DGCR8: variants seen among roughly 807,000 people sequenced by gnomAD.
DGCR8 encodes the protein DGCR8 microprocessor complex subunit.
A neutral mutation model predicts 78.5 loss-of-function variants in DGCR8; 14 were observed. The ratio of observed to expected loss-of-function variants is 0.18; its 90% CI spans 0.12 to 0.28. The LOEUF (loss-of-function observed/expected upper bound fraction) is 0.28. DGCR8 is among the 10% of genes least tolerant of loss of function. DGCR8 has a pLI of 1.00. For missense variants in DGCR8, 702 were observed against 1,022.5 expected (o/e 0.69, Z 4.28); for synonymous variants, 399 against 402.4 (o/e 0.99, Z 0.10).
intron 8 of DGCR8, among the ~76,000 whole-genome samples, chr22:20,094,131 C>T (rs1014270572): frequency 3.9e-5 from 6 of 152,206 alleles, no homozygotes; most frequent in African/African-American, 1.4e-4. Context: ...ACTTCCCTTG[C>T]CCAGACTCTT....
chr22:20,101,091 A>G (rs2049695159), intron 9 of DGCR8: 1 of 660,720 alleles, frequency 1.5e-6, no homozygotes, highest in Non-Finnish European at 1.9e-6. Flanking sequence ...CCTCCTCAGC[A>G]TAAGCTCTGT....
chr22:20,101,854 CCTT>C, intron 9 of DGCR8: 1 of 985,360 alleles, frequency 1.0e-6, no homozygotes, highest in Non-Finnish European at 1.2e-6. Context: ...AGTATCCCCT[CCTT>C]GTGTGGACTC....
chr22:20,080,544 G>T, intron 1 of DGCR8, 161 bp downstream of exon 1: 12 of 954,428 alleles, frequency 1.3e-5, no homozygotes, highest in Non-Finnish European at 1.5e-5. Context: ...GCGGGCGGTG[G>T]AGAGCGCGGG....
chr22:20,095,710 C>T (rs1228843654), intron 9 of DGCR8, among the ~76,000 whole-genome samples: 5 of 152,142 alleles, frequency 3.3e-5, no homozygotes, highest in Non-Finnish European at 7.4e-5. Flanking sequence ...TCAAGCACAT[C>T]ACATTTATTG....
Position 20,087,277 on chromosome 22 carries a change from C to T in DGCR8, c.836C>T (p.Thr279Ile), listed in dbSNP as rs778004641. The T allele has an allele frequency of 9.3e-6, 15 of 1,613,740 alleles. No individual in the cohort carries two copies. The South Asian group carries it at 1.5e-4, about 17-fold the overall frequency. Residue 279 changes from threonine (T) to isoleucine (I), a missense_variant, in exon 3 of 14, where the codon ACA becomes ATA. This residue lies in a region of DGCR8 where 356 missense variants were observed against 448.9 expected (regional missense o/e 0.79). Transcript: ENST00000351989. The surrounding 1 kb of genome is among the most constrained non-coding windows in gnomAD (Gnocchi z 4.1). ...GDSDHPSDGE[T>I]SVQPMMTKIK... ...AGCGACCATCCGTCCGATGGAGAGA[C>T]AAGTGTGCAGCCGATGATGACCAAG...
chr22:20,100,968 G>A lies in DGCR8; in HGVS notation c.1789-5209G>A, dbSNP rs182645327. 1.8e-5 allele frequency: 9 copies of A among 507,242 alleles called. No individual in the cohort carries two copies. In the East Asian group the frequency reaches 1.1e-3, roughly 60 times the overall value. 31.4% of individuals were successfully genotyped at this position (507,242 alleles called of 1,614,324 possible). On this transcript the variant is annotated intron_variant, in intron 9 of 13. Coordinates refer to ENST00000351989, the MANE Select transcript of DGCR8 (RefSeq NM_022720.7). Reference sequence around the variant, plus strand: ...CCTCCTCGTGCTTGGAAATTTGCTAGGACTCAGGAACTCAGGAAAAATTTT... The same window carrying A: ...CCTCCTCGTGCTTGGAAATTTGCTAAGACTCAGGAACTCAGGAAAAATTTT...
intron 9 of DGCR8, among the ~76,000 whole-genome samples, chr22:20,099,818 G>A (rs992556664): frequency 6.6e-6 from 1 of 152,156 alleles, no homozygotes; most frequent in Non-Finnish European, 1.5e-5. Context: ...ATATGGTTAA[G>A]TGTCTATGGT....
chr22:20,108,609 C>G (rs904793149), intron 12 of DGCR8: 1 of 338,702 alleles, frequency 3.0e-6, no homozygotes, highest in African/African-American at 2.1e-5. Flanking sequence ...CCTCACCTCC[C>G]TACTCTGCCC....
chr22:20,091,955 A>G lies in DGCR8; in HGVS notation c.1591A>G (p.Asn531Asp). Reference sequence around the variant, plus strand: ...TGTCCTCAAGGTCCGCCCTGTCTATAATTTCTTTGAATGTGGTAAGTCTAA... The same window carrying G: ...TGTCCTCAAGGTCCGCCCTGTCTATGATTTCTTTGAATGTGGTAAGTCTAA... ...QRVLKVRPVY[N>D]FFECENPSEP... Residue 531 changes from asparagine (N) to aspartate (D), a missense_variant, in exon 7 of 14, where the codon AAT (asparagine) becomes GAT (aspartate). Asn to Asp is a conservative substitution (Grantham distance 23). Around this residue, in one of 4 missense-constraint regions of DGCR8, gnomAD observed 225 missense variants for 427.7 expected, o/e 0.53. Transcript: ENST00000351989. The G allele has an allele frequency of 2.5e-6, 4 of 1,613,610 alleles. No homozygotes were observed. The highest frequency in any genetic ancestry group is 3.4e-6 in the Non-Finnish European group (4 of 1,179,700).
At chr22:20,100,273 G>A in intron 9 of DGCR8, 4 of 818,944 alleles carry the variant, frequency 4.9e-6, no homozygotes, top group Non-Finnish European at 5.9e-6. Context: ...CACCGTGTTG[G>A]CCAGGATGGT....
chr22:20,107,560 C>G (rs916382753), intron 12 of DGCR8, 162 bp downstream of exon 12: 2 of 787,424 alleles, frequency 2.5e-6, no homozygotes, highest in Non-Finnish European at 4.0e-6. Context: ...GGGGTGGGGT[C>G]GTCCCAGCTA....
chr22:20,108,809 C>G lies in DGCR8; in HGVS notation c.2125-81C>G, dbSNP rs1210649064. ...CCTGGGCGCGCCTGCCTTCAGGGTC[C>G]CAGGCACACAGCTGCTGGGCAGCGG... On this transcript the variant is annotated intron_variant, in intron 12 of 13. Coordinates refer to ENST00000351989, the MANE Select transcript of DGCR8 (RefSeq NM_022720.7). 9 of 894,974 alleles carry G rather than the reference C, an allele frequency of 1.0e-5. No individual in the cohort carries two copies. In the South Asian group the frequency reaches 1.2e-4, roughly 12 times the overall value. 55.4% of individuals were successfully genotyped at this position (894,974 alleles called of 1,614,324 possible).
At position 20,085,016 on chromosome 22, in the gene DGCR8, C is replaced by T. The variant is rs1271986669; in HGVS notation, c.-277-671C>T. The T allele has an allele frequency of 2.0e-6, 2 of 985,302 alleles. No individual in the cohort carries two copies. Among genetic ancestry groups the T allele is most frequent in the Admixed American group, 1.2e-4 (2 of 16,274 alleles). 61.0% of individuals were successfully genotyped at this position (985,302 alleles called of 1,614,324 possible). A position where few individuals can be genotyped will look rare whatever the true frequency, so the allele number is the denominator to read the frequency against. On this transcript the variant is annotated intron_variant, in intron 1 of 13. Coordinates refer to ENST00000351989, the MANE Select transcript of DGCR8 (RefSeq NM_022720.7). This position sits in a 1 kb window ranked among gnomAD's most constrained non-coding sequence, Gnocchi z 6.2. ...TCGGCTCCAGCTGTCTCTTGTGGCT[C>T]CCCACCCCAAATCCTGGCAGGTCCC...
Position 20,110,214 on chromosome 22 carries a change from T to A in DGCR8, c.*106T>A. The A allele has an allele frequency of 8.4e-7, 1 of 1,188,028 alleles. No homozygotes were observed. Among genetic ancestry groups the A allele is most frequent in the Non-Finnish European group, 1.2e-6 (1 of 832,144 alleles). 73.6% of individuals were successfully genotyped at this position (1,188,028 alleles called of 1,614,324 possible). A position where few individuals can be genotyped will look rare whatever the true frequency, so the allele number is the denominator to read the frequency against. On this transcript the variant is annotated 3_prime_UTR_variant, in exon 14 of 14. Transcript: ENST00000351989. ...TGTCAGGCCTCCAACCCACGCTCCT[T>A]CCCTGTGGCCAACCTGTGGGCCCGG...
Position 20,089,549 on chromosome 22 carries a change from T to C in DGCR8, c.881-120T>C, listed in dbSNP as rs2049527970. 9.1e-7 allele frequency: 1 copy of C among 1,101,166 alleles called. No individual in the cohort carries two copies. The highest frequency in any genetic ancestry group is 1.6e-5 in the African/African-American group (1 of 64,366). 68.2% of individuals were successfully genotyped at this position (1,101,166 alleles called of 1,614,324 possible). A position where few individuals can be genotyped will look rare whatever the true frequency, so the allele number is the denominator to read the frequency against. On this transcript the variant is annotated intron_variant, in intron 3 of 13. Coordinates refer to ENST00000351989, the MANE Select transcript of DGCR8 (RefSeq NM_022720.7). This position sits in a 1 kb window ranked among gnomAD's most constrained non-coding sequence, Gnocchi z 4.9. Reference sequence around the variant, plus strand: ...GCAAGGCAGAGAGGAATTTCGATTATCTGTGAAGACCCAGTTAAACACATG... The same window carrying C: ...GCAAGGCAGAGAGGAATTTCGATTACCTGTGAAGACCCAGTTAAACACATG...
chr22:20,108,940 C>T lies in DGCR8; in HGVS notation c.2175C>T (p.Asn725=). The change falls in exon 13 of 14, where the codon AAC becomes AAT. Residue 725 remains asparagine (N), a synonymous_variant. Coordinates refer to ENST00000351989, the MANE Select transcript of DGCR8 (RefSeq NM_022720.7). ...VIELQQYAKK[N]KPNLHILSKL... ...AGCTGCAGCAGTATGCCAAGAAGAACAAGCCCAACCTGCACATCCTCAGCA... is the reference window on the plus strand; with the variant it reads ...AGCTGCAGCAGTATGCCAAGAAGAATAAGCCCAACCTGCACATCCTCAGCA... 2 of 1,612,112 alleles carry T rather than the reference C, an allele frequency of 1.2e-6. No homozygotes were observed. The highest frequency in any genetic ancestry group is 2.2e-5 in the South Asian group (2 of 91,058).
At chr22:20,084,220 C>T (rs2049452161) in intron 1 of DGCR8, among the ~76,000 whole-genome samples, 1 of 152,198 alleles carries the variant, frequency 6.6e-6, no homozygotes, top group Non-Finnish European at 1.5e-5. Flanking sequence ...TGCCTTGTCC[C>T]TTGTTAAATG....
chr22:20,081,820 G>T (rs1453659728), intron 1 of DGCR8, among the ~76,000 whole-genome samples: 2 of 152,094 alleles, frequency 1.3e-5, no homozygotes, highest in African/African-American at 4.8e-5. Context: ...ACATTCCTTG[G>T]CCTATCTAAA....
At position 20,087,053 on chromosome 22, in the gene DGCR8, C is replaced by T; in HGVS notation, c.721-109C>T. 1.4e-6 allele frequency: 2 copies of T among 1,413,854 alleles called. No individual in the cohort carries two copies. The highest frequency in any genetic ancestry group is 2.2e-4 in the Middle Eastern group (1 of 4,532). The allele number at this position is 1,413,854 out of a possible 1,614,324, so 87.6% of individuals were successfully genotyped here. A position where few individuals can be genotyped will look rare whatever the true frequency, so the allele number is the denominator to read the frequency against. ...TGCACCCTAAGGGCACATCTAGGCC[C>T]CCTGAGAGCACCTCCTTTCTGTGTC... On this transcript the variant is annotated intron_variant, in intron 2 of 13. Coordinates refer to ENST00000351989, the MANE Select transcript of DGCR8 (RefSeq NM_022720.7). The surrounding 1 kb of genome is among the most constrained non-coding windows in gnomAD (Gnocchi z 4.1).
Sources: gnomAD v4.1 joint callset for allele counts (sites outside exome capture counted in the v4.1 genomes callset) on GRCh38, gnomAD v4.1.1 for gene constraint, gnomAD v4.1.1 regional missense constraint, Gnocchi (gnomAD v3.1) non-coding constraint, MANE v1.5 for transcripts, NCBI Gene and HGNC (gene_info 2026-07-23, HGNC 2026-07-21) for gene names.